KCTD1: variants seen among roughly 807,000 people sequenced by gnomAD.
KCTD1 encodes the protein BTB/POZ domain-containing protein KCTD1.
KCTD1 carries 24 observed loss-of-function variants against 66.0 expected under a neutral mutation model. That is an observed-to-expected ratio of 0.36 (90% confidence interval 0.26 to 0.51). KCTD1 has a LOEUF of 0.51. Among genes scored for constraint, KCTD1 ranks in the 20% least tolerant of loss-of-function variants. KCTD1 has a pLI of 0.95. For synonymous variants in KCTD1, 511 were observed against 517.2 expected (o/e 0.99, Z 0.16); for missense variants, 943 against 1,205.2 (o/e 0.78, Z 3.22).
At chr18:26,644,630 C>T (rs533762082), upstream of KCTD1, among the ~76,000 whole-genome samples, 1 of 151,960 alleles carries the variant, frequency 6.6e-6, no homozygotes, top group African/African-American at 2.4e-5. Flanking sequence ...TGGTGGTGGA[C>T]ATTTGTAATC....
At chr18:26,640,975 G>C (rs1445389061), upstream of KCTD1, among the ~76,000 whole-genome samples, 1 of 152,160 alleles carries the variant, frequency 6.6e-6, no homozygotes, top group Admixed American at 6.5e-5. Flanking sequence ...CCCAGAAGCA[G>C]GGTGGATAGG....
upstream of KCTD1, among the ~76,000 whole-genome samples, chr18:26,643,757 TG>T (rs1467095182): frequency 1.2e-4 from 18 of 152,298 alleles, no homozygotes; most frequent in African/African-American, 4.1e-4. Flanking sequence ...GGTCAGGAGA[TG>T]GAGACCATCC....
chr18:26,544,002 G>C (rs1029930653), intron 1 of KCTD1: 1 of 152,162 alleles, frequency 6.6e-6, no homozygotes, highest in Non-Finnish European at 1.5e-5. Context: ...TATGCAAAGA[G>C]AATAGTTATA....
rs370555675 is a variant in KCTD1 at position 26,468,011 on chromosome 18, C to CAG, written c.2134-8088_2134-8087dup. On this transcript the variant is annotated intron_variant, in intron 3 of 4. Coordinates refer to ENST00000580059, the MANE Select transcript of KCTD1 (RefSeq NM_001142730.3). This position sits in a 1 kb window ranked among gnomAD's most constrained non-coding sequence, Gnocchi z 4.8. The stretch of plus-strand genomic sequence containing the variant: ...AGATGATGTTAAAGATAAAAGGCTA[C>CAG]AGAGAGAGAGAGAGAGAGAAAGAGA... 0.029 allele frequency among the ~76,000 whole-genome samples: 4,374 copies of CAG among 149,836 alleles called. 83 individuals carry two copies. Among genetic ancestry groups the CAG allele is most frequent in the Middle Eastern group, 0.071 (21 of 294 alleles).
At chr18:26,507,059 G>A (rs549225509) in intron 1 of KCTD1, among the ~76,000 whole-genome samples, 92 of 152,258 alleles carry the variant, frequency 6.0e-4, no homozygotes, top group African/African-American at 1.9e-3. Context: ...CCAGCTACTC[G>A]GGAGGCGGAG....
chr18:26,482,256 C>T (rs1981688354), intron 2 of KCTD1, among the ~76,000 whole-genome samples: 1 of 152,160 alleles, frequency 6.6e-6, no homozygotes. Flanking sequence ...GGGTTTATAT[C>T]TCATTTAATC....
intron 4 of KCTD1, chr18:26,458,771 C>T (rs1448204329): frequency 6.6e-6 from 1 of 152,220 alleles, no homozygotes; most frequent in East Asian, 1.9e-4. Flanking sequence ...CCACAGCCAT[C>T]GTCAGAAAAC....
chr18:26,620,034 A>T (rs1039390430), intron 1 of KCTD1, among the ~76,000 whole-genome samples: 1 of 152,130 alleles, frequency 6.6e-6, no homozygotes. Context: ...GCATAATGGT[A>T]GTTGCTATTT....
At chr18:26,473,527 C>T (rs937360632) in intron 3 of KCTD1, among the ~76,000 whole-genome samples, 1 of 151,240 alleles carries the variant, frequency 6.6e-6, no homozygotes, top group Admixed American at 6.6e-5. Flanking sequence ...ATGTAACAAA[C>T]CTGCACATCC....
At chr18:26,495,198 T>C in intron 2 of KCTD1, among the ~76,000 whole-genome samples, 1 of 152,108 alleles carries the variant, frequency 6.6e-6, no homozygotes, top group Non-Finnish European at 1.5e-5. Flanking sequence ...GTGTTAAAAC[T>C]GGAACTGTAA....
chr18:26,603,843 A>G (rs1198329907), intron 1 of KCTD1, among the ~76,000 whole-genome samples: 1 of 151,998 alleles, frequency 6.6e-6, no homozygotes, highest in Non-Finnish European at 1.5e-5. Flanking sequence ...CAGCCCATAC[A>G]TTGGAAAAGG....
chr18:26,484,558 A>T (rs1372345418), intron 2 of KCTD1, among the ~76,000 whole-genome samples: 1 of 152,178 alleles, frequency 6.6e-6, no homozygotes, highest in African/African-American at 2.4e-5. Flanking sequence ...CGGTTAGAAA[A>T]TTTTTAAAAA....
At chr18:26,623,718 G>C (rs1987439641) in intron 1 of KCTD1, among the ~76,000 whole-genome samples, 2 of 152,194 alleles carry the variant, frequency 1.3e-5, no homozygotes. Context: ...ATTGGTACCA[G>C]TAGAGTGGGG....
intron 3 of KCTD1, among the ~76,000 whole-genome samples, chr18:26,464,882 T>C (rs917555740): frequency 1.3e-5 from 2 of 152,208 alleles, no homozygotes; most frequent in African/African-American, 4.8e-5. Flanking sequence ...GAAAGGATTT[T>C]ACCTTTTCCA....
chr18:26,577,686 C>T (rs886087809), intron 1 of KCTD1, among the ~76,000 whole-genome samples: 2 of 152,020 alleles, frequency 1.3e-5, no homozygotes, highest in Admixed American at 6.6e-5. Flanking sequence ...GCTAGGACTA[C>T]GGGAGTCCAA....
At chr18:26,595,505 G>A (rs1169825339) in intron 1 of KCTD1, among the ~76,000 whole-genome samples, 2 of 152,136 alleles carry the variant, frequency 1.3e-5, no homozygotes, top group African/African-American at 4.8e-5. Flanking sequence ...ACAACTCGTG[G>A]GCGATGTCCT....
At chr18:26,604,393 G>C (rs932722725) in intron 1 of KCTD1, among the ~76,000 whole-genome samples, 5 of 152,180 alleles carry the variant, frequency 3.3e-5, no homozygotes, top group African/African-American at 1.2e-4. Context: ...ATTTGACCCA[G>C]CAATCCCATT....
upstream of KCTD1, among the ~76,000 whole-genome samples, chr18:26,551,432 T>G (rs540925195): frequency 8.5e-5 from 13 of 152,130 alleles, no homozygotes; most frequent in African/African-American, 2.9e-4. Context: ...AAATTCGATA[T>G]GAAAAACGCA....
chr18:26,553,321 T>C (rs1216949615), upstream of KCTD1, among the ~76,000 whole-genome samples: 1 of 152,192 alleles, frequency 6.6e-6, no homozygotes, highest in African/African-American at 2.4e-5. Context: ...CAGATGAAAA[T>C]TGAACCCATG....
Sources: allele counts gnomAD v4.1 joint callset (sites outside exome capture counted in the v4.1 genomes callset), GRCh38; gene constraint gnomAD v4.1.1; non-coding constraint Gnocchi (gnomAD v3.1); transcripts MANE v1.5; gene names NCBI Gene and HGNC (gene_info 2026-07-23, HGNC 2026-07-21).